Variants in KLHL29 observed in about 807,000 individuals in gnomAD.
The protein encoded by KLHL29 is kelch like family member 29, also known as kelch-like protein 29.
In KLHL29, 21 loss-of-function variants were observed where a neutral mutation model predicts 80.4. That is an observed-to-expected ratio of 0.26 (90% confidence interval 0.19 to 0.38). The LOEUF is 0.38. KLHL29 is among the 10% of genes least tolerant of loss of function. The pLI is 1.00. For synonymous variants in KLHL29, 511 were observed against 526.8 expected (o/e 0.97, Z 0.41); for missense variants, 867 against 1,223.9 (o/e 0.71, Z 4.35).
chr2:23,413,589 T>A (rs1268339448), intron 1 of KLHL29, among the ~76,000 whole-genome samples: 1 of 152,124 alleles, frequency 6.6e-6, no homozygotes, highest in Non-Finnish European at 1.5e-5. Flanking sequence ...AAAATGAGTC[T>A]CCACCCCTGG....
At chr2:23,531,427 G>A (rs1394657215) in intron 2 of KLHL29, among the ~76,000 whole-genome samples, 1 of 152,164 alleles carries the variant, frequency 6.6e-6, no homozygotes, top group Admixed American at 6.5e-5. Context: ...CCCACTACCA[G>A]ATTGCTCTGG....
chr2:23,639,268 A>G lies in KLHL29; in HGVS notation c.415A>G (p.Ser139Gly). The G allele has an allele frequency of 6.5e-7, 1 of 1,547,630 alleles. No homozygotes were observed. Among genetic ancestry groups the G allele is most frequent in the Non-Finnish European group, 8.7e-7 (1 of 1,145,248 alleles). ...DEPPSKQMRE[S>G]DNPGTGPWVT... ...GCCACCCTCCAAACAGATGAGAGAG[A>G]GTGACAATCCAGGTACGTACCTCAT... The change falls in exon 4 of 14, where the codon AGT becomes GGT. Residue 139 changes from serine (S) to glycine (G), a missense_variant. Ser to Gly is a moderately conservative substitution (Grantham distance 56, BLOSUM62 0). This residue lies in a region of KLHL29 where 424 missense variants were observed against 456.9 expected (regional missense o/e 0.93). Transcript: ENST00000486442.
intron 1 of KLHL29, among the ~76,000 whole-genome samples, chr2:23,456,009 A>G (rs1664040115): frequency 6.6e-6 from 1 of 152,156 alleles, no homozygotes; most frequent in Non-Finnish European, 1.5e-5. Context: ...GAAAGCGGCC[A>G]CCTGCAAGCC....
intron 3 of KLHL29, among the ~76,000 whole-genome samples, chr2:23,601,886 C>T (rs534206537): frequency 6.6e-6 from 1 of 152,228 alleles, no homozygotes; most frequent in Non-Finnish European, 1.5e-5. Flanking sequence ...CCAAGCCCTC[C>T]GCAGTGTGGG....
chr2:23,704,750 G>A (rs943159589), intron 13 of KLHL29, among the ~76,000 whole-genome samples: 2 of 152,112 alleles, frequency 1.3e-5, no homozygotes, highest in African/African-American at 4.8e-5. Context: ...CTGGGTGACA[G>A]GAAAAGACTC....
intron 2 of KLHL29, among the ~76,000 whole-genome samples, chr2:23,501,292 CTTTGGAAT>C (rs953010977): frequency 6.6e-6 from 1 of 151,930 alleles, no homozygotes; most frequent in Non-Finnish European, 1.5e-5. Context: ...CCTATTCCTG[CTTTGGAAT>C]AGGGGGCTGA....
chr2:23,433,751 C>T (rs931354931), intron 1 of KLHL29, among the ~76,000 whole-genome samples: 4 of 152,034 alleles, frequency 2.6e-5, no homozygotes, highest in East Asian at 1.9e-4. Context: ...CCCATCTCTA[C>T]GAAAAAAATT....
intron 2 of KLHL29, among the ~76,000 whole-genome samples, chr2:23,508,317 C>T (rs1665665886): frequency 6.6e-6 from 1 of 152,264 alleles, no homozygotes; most frequent in African/African-American, 2.4e-5. Context: ...GGAACACTCA[C>T]AGGTTGGGTG....
At chr2:23,564,773 G>C (rs1264416135) in intron 3 of KLHL29, among the ~76,000 whole-genome samples, 1 of 152,224 alleles carries the variant, frequency 6.6e-6, no homozygotes, top group Non-Finnish European at 1.5e-5. Flanking sequence ...GGCAAGAGCT[G>C]GCTGGCTCTT....
chr2:23,573,285 T>A (rs1330192754), intron 3 of KLHL29, among the ~76,000 whole-genome samples: 4 of 152,268 alleles, frequency 2.6e-5, no homozygotes, highest in Non-Finnish European at 5.9e-5. Context: ...TTATTTATTT[T>A]ATTTAAGGCA....
At chr2:23,568,746 G>A (rs1280343434) in intron 3 of KLHL29, among the ~76,000 whole-genome samples, 2 of 152,342 alleles carry the variant, frequency 1.3e-5, no homozygotes, top group African/African-American at 4.8e-5. Context: ...GGCATCTAAG[G>A]TTGGAAAGAA....
At chr2:23,575,254 C>T (rs747522240) in intron 3 of KLHL29, among the ~76,000 whole-genome samples, 8 of 152,280 alleles carry the variant, frequency 5.3e-5, no homozygotes, top group African/African-American at 1.2e-4. Context: ...AGAGCGGAGC[C>T]GAAGGTGAGG....
At chr2:23,419,605 C>T (rs924004547) in intron 1 of KLHL29, among the ~76,000 whole-genome samples, 1 of 152,226 alleles carries the variant, frequency 6.6e-6, no homozygotes, top group Non-Finnish European at 1.5e-5. Flanking sequence ...TGTCCTCGCT[C>T]TATTCAGAAT....
chr2:23,425,184 CT>C (rs936449432), intron 1 of KLHL29, among the ~76,000 whole-genome samples: 11 of 151,962 alleles, frequency 7.2e-5, no homozygotes, highest in Non-Finnish European at 1.5e-4. Context: ...AACTAAAAAT[CT>C]TTTTTACCAT....
At chr2:23,703,521 C>T in intron 12 of KLHL29, 142 bp downstream of exon 12, 3 of 1,062,318 alleles carry the variant, frequency 2.8e-6, no homozygotes, top group South Asian at 3.4e-5. Context: ...AGTTGCCGAG[C>T]CCCCAGCTCA....
intron 1 of KLHL29, among the ~76,000 whole-genome samples, chr2:23,407,642 G>A (rs1164432080): frequency 1.3e-5 from 2 of 151,846 alleles, no homozygotes; most frequent in Non-Finnish European, 2.9e-5. Context: ...GTTGTTCAGT[G>A]TTTCCTCTTG....
At chr2:23,433,339 C>A (rs532293971) in intron 1 of KLHL29, among the ~76,000 whole-genome samples, 2 of 152,344 alleles carry the variant, frequency 1.3e-5, no homozygotes, top group South Asian at 4.1e-4. Context: ...TCCCCGGATC[C>A]GAGCTTGGAG....
intron 3 of KLHL29, among the ~76,000 whole-genome samples, chr2:23,625,575 G>A (rs1171038032): frequency 6.6e-6 from 1 of 152,202 alleles, no homozygotes; most frequent in Non-Finnish European, 1.5e-5. Context: ...AGGTCTGTGG[G>A]TGCCTGTCTC....
chr2:23,406,069 C>CT (rs1431713398), intron 1 of KLHL29, among the ~76,000 whole-genome samples: 1 of 152,164 alleles, frequency 6.6e-6, no homozygotes, highest in Non-Finnish European at 1.5e-5. Flanking sequence ...TGGCTCACGC[C>CT]TGTACTCCTA....
Sources: allele counts gnomAD v4.1 joint callset (sites outside exome capture counted in the v4.1 genomes callset), GRCh38; gene constraint gnomAD v4.1.1; regional missense constraint gnomAD v4.1.1; transcripts MANE v1.5; gene names NCBI Gene and HGNC (gene_info 2026-07-23, HGNC 2026-07-21).